SCN4B: variants seen among roughly 807,000 people sequenced by gnomAD.
SCN4B encodes sodium voltage-gated channel beta subunit 4.
SCN4B carries 20 observed loss-of-function variants against 19.6 expected under a neutral mutation model. The observed-to-expected ratio is 1.02, with a 90% CI of 0.72 to 1.48. SCN4B has a LOEUF of 1.48. SCN4B is among the 40% of genes most tolerant of loss of function. SCN4B has a pLI of 0.00. For missense variants in SCN4B, 271 were observed against 287.5 expected, an observed-to-expected ratio of 0.94 and a Z score of 0.42; for synonymous variants, 127 against 122.8, an observed-to-expected ratio of 1.03 and a Z score of -0.22.
Position 118,152,756 on chromosome 11 carries a change from C to T in SCN4B, c.-83G>A. 1.7e-6 allele frequency: 2 copies of T among 1,157,648 alleles called. No homozygotes were observed. Among genetic ancestry groups the T allele is most frequent in the East Asian group, 2.8e-5 (1 of 35,100 alleles). 71.7% of individuals were successfully genotyped at this position (1,157,648 alleles called of 1,614,324 possible). On this transcript the variant is annotated 5_prime_UTR_variant, in exon 1 of 5. Transcript: ENST00000324727. Reference sequence around the variant, plus strand: ...GCGCTCTCCGCCCGAGGTCGGCGTTCGGCCACAAAGCTACCCCGGAGCTCT... The same window carrying T: ...GCGCTCTCCGCCCGAGGTCGGCGTTTGGCCACAAAGCTACCCCGGAGCTCT...
In SCN4B at chr11:118,148,022, C is replaced by T. The variant is rs1357491087; in HGVS notation, c.62-2793G>A. 6.6e-6 allele frequency among the ~76,000 whole-genome samples: 1 copy of T among 152,216 alleles called. No homozygotes were observed. Among genetic ancestry groups the T allele is most frequent in the African/African-American group, 2.4e-5 (1 of 41,456 alleles). ...TCCAGAAGAGAGGGGAACACTGTAT[C>T]TTTAAGGTCTGGCTCATGACACAGT... On this transcript the variant is annotated intron_variant, in intron 1 of 4. Coordinates refer to ENST00000324727, the MANE Select transcript of SCN4B (RefSeq NM_174934.4). The surrounding 1 kb of genome is among the most constrained non-coding windows in gnomAD (Gnocchi z 4.0).
chr11:118,144,691 C>A (rs1948145726), intron 2 of SCN4B, among the ~76,000 whole-genome samples: 1 of 152,172 alleles, frequency 6.6e-6, no homozygotes, highest in South Asian at 2.1e-4. Flanking sequence ...CTTCTCAGCC[C>A]TTCCCTCATT....
chr11:118,146,287 C>A (rs60570550), intron 1 of SCN4B, among the ~76,000 whole-genome samples: 4,484 of 152,182 alleles, frequency 0.029, 225 homozygotes, highest in African/African-American at 0.1. Flanking sequence ...TGTAAGGGGG[C>A]CTGGTTCCCC....
Position 118,148,022 on chromosome 11 carries a change from C to A in SCN4B, c.62-2793G>T, listed in dbSNP as rs1357491087. Among the ~76,000 whole-genome samples, 1 of 152,216 alleles carries A rather than the reference C, an allele frequency of 6.6e-6. No homozygotes were observed. Among genetic ancestry groups the A allele is most frequent in the Non-Finnish European group, 1.5e-5 (1 of 68,044 alleles). ...TCCAGAAGAGAGGGGAACACTGTAT[C>A]TTTAAGGTCTGGCTCATGACACAGT... On this transcript the variant is annotated intron_variant, in intron 1 of 4. Coordinates refer to ENST00000324727, the MANE Select transcript of SCN4B (RefSeq NM_174934.4). This position sits in a 1 kb window ranked among gnomAD's most constrained non-coding sequence, Gnocchi z 4.0.
At chr11:118,142,716 C>T (rs1330120458) in intron 3 of SCN4B, 2 of 152,260 alleles carry the variant, frequency 1.3e-5, no homozygotes, top group South Asian at 2.1e-4. Context: ...GATGGAGAGA[C>T]GATCCACCTC....
intron 1 of SCN4B, among the ~76,000 whole-genome samples, chr11:118,150,610 C>G (rs936536064): frequency 4.1e-4 from 63 of 152,196 alleles, no homozygotes; most frequent in African/African-American, 1.4e-3. Context: ...CATCAATTGG[C>G]CATGAGCCCC....
chr11:118,141,191 C>T lies in SCN4B; in HGVS notation c.593+16G>A. On this transcript the variant is annotated intron_variant, in intron 4 of 4. Coordinates refer to ENST00000324727, the MANE Select transcript of SCN4B (RefSeq NM_174934.4). ...GGGCTGCTGGGAGGACAGGAGTGTG[C>T]TCCAGATCAACTCACTTCTTCTCCC... is the stretch of plus-strand genomic sequence containing the variant. The T allele has an allele frequency of 6.2e-7, 1 of 1,612,762 alleles. No individual in the cohort carries two copies. Among genetic ancestry groups the T allele is most frequent in the Non-Finnish European group, 8.5e-7 (1 of 1,179,956 alleles).
chr11:118,144,472 A>G (rs990741173), intron 2 of SCN4B, among the ~76,000 whole-genome samples: 2 of 152,120 alleles, frequency 1.3e-5, no homozygotes, highest in Admixed American at 1.3e-4. Flanking sequence ...TCAATCCCAC[A>G]GCTCTGCCCG....
rs747204590 is a variant in SCN4B at position 118,133,600 on chromosome 11, T to C, written c.*3427A>G. On this transcript the variant is annotated 3_prime_UTR_variant, in exon 5 of 5. Transcript: ENST00000324727. ...TATAGTTACATAGGAAAATTGACTA[T>C]GGGTATTGTTGTCATCCAAGCCAGA... 2.2e-6 allele frequency: 1 copy of C among 454,536 alleles called. No individual in the cohort carries two copies. The highest frequency in any genetic ancestry group is 1.6e-5 in the South Asian group (1 of 64,472). 28.2% of individuals were successfully genotyped at this position (454,536 alleles called of 1,614,324 possible).
rs746424733 is a variant in SCN4B, at chr11:118,134,188, G to A, written c.*2839C>T. ...TTCGGGCTGCCTTCTGTTCAATTACGACATGGGGAGAAGCCCAGAACCTGG... is the reference window on the plus strand; with the variant it reads ...TTCGGGCTGCCTTCTGTTCAATTACAACATGGGGAGAAGCCCAGAACCTGG... On this transcript the variant is annotated 3_prime_UTR_variant, in exon 5 of 5. Coordinates refer to ENST00000324727, the MANE Select transcript of SCN4B (RefSeq NM_174934.4). The A allele has an allele frequency of 1.1e-5, 5 of 454,030 alleles. No individual in the cohort carries two copies. Among genetic ancestry groups the A allele is most frequent in the Middle Eastern group, 6.8e-4 (1 of 1,466 alleles). 28.1% of individuals were successfully genotyped at this position (454,030 alleles called of 1,614,324 possible).
intron 2 of SCN4B, 31 bp from the exon 3 acceptor site, chr11:118,144,092 G>A (rs1202275069): frequency 1.2e-5 from 18 of 1,486,708 alleles, no homozygotes; most frequent in Non-Finnish European, 1.7e-5. Flanking sequence ...GGGTGAGAAA[G>A]TAGCCGAGAA....
intron 3 of SCN4B, among the ~76,000 whole-genome samples, chr11:118,142,161 T>C (rs1382230809): frequency 5.3e-5 from 8 of 152,256 alleles, no homozygotes; most frequent in Non-Finnish European, 1.5e-5. Context: ...ATTCTTGGCA[T>C]AGGGGCCTGA....
At position 118,152,656 on chromosome 11, in the gene SCN4B, G is replaced by T. The variant is rs149979176; in HGVS notation, c.18C>A (p.Asp6Glu). The T allele has an allele frequency of 2.4e-4, 380 of 1,610,994 alleles. No homozygotes were observed. Among genetic ancestry groups the T allele is most frequent in the Non-Finnish European group, 3.1e-4 (368 of 1,178,358 alleles). Residue 6 changes from aspartate to glutamate, a missense_variant, in exon 1 of 5, where the codon GAC becomes GAA. By Grantham distance (45) the Asp-to-Glu change is conservative (BLOSUM62 2). Coordinates refer to ENST00000324727, the MANE Select transcript of SCN4B (RefSeq NM_174934.4). ...GCCATCTCGCCGGGGCTTTGCCTCCGTCCCCAGCCCCGGGCATAGTCCTGT... is the reference window on the plus strand; with the variant it reads ...GCCATCTCGCCGGGGCTTTGCCTCCTTCCCCAGCCCCGGGCATAGTCCTGT... MPGAG[D>E]GGKAPARWLG...
At chr11:118,146,269 G>A (rs966978059) in intron 1 of SCN4B, among the ~76,000 whole-genome samples, 5 of 152,090 alleles carry the variant, frequency 3.3e-5, no homozygotes, top group Non-Finnish European at 4.4e-5. Context: ...CTCCCGCTCC[G>A]GAGTCCTTGT....
At chr11:118,147,583 G>T (rs1017733224) in intron 1 of SCN4B, among the ~76,000 whole-genome samples, 2 of 151,962 alleles carry the variant, frequency 1.3e-5, no homozygotes, top group Non-Finnish European at 2.9e-5. Context: ...GCCCTCCTCC[G>T]CCCCATCTCC....
chr11:118,152,207 C>A (rs1948240121), intron 1 of SCN4B, among the ~76,000 whole-genome samples: 2 of 152,212 alleles, frequency 1.3e-5, no homozygotes, highest in Non-Finnish European at 2.9e-5. Flanking sequence ...CGGCTCTGGG[C>A]CGGGATGGAA....
At chr11:118,139,098 C>T (rs528997437) in intron 4 of SCN4B, among the ~76,000 whole-genome samples, 4 of 152,258 alleles carry the variant, frequency 2.6e-5, no homozygotes, top group South Asian at 2.1e-4. Flanking sequence ...CCCCTGCCGT[C>T]GGAAGTCAAT....
In SCN4B at chr11:118,148,104, C is replaced by T. The variant is rs549733525; in HGVS notation, c.62-2875G>A. Among the ~76,000 whole-genome samples, 1 of 152,290 alleles carries T rather than the reference C, an allele frequency of 6.6e-6. No homozygotes were observed. Among genetic ancestry groups the T allele is most frequent in the East Asian group, 1.9e-4 (1 of 5,194 alleles). On this transcript the variant is annotated intron_variant, in intron 1 of 4. Coordinates refer to ENST00000324727, the MANE Select transcript of SCN4B (RefSeq NM_174934.4). This position sits in a 1 kb window ranked among gnomAD's most constrained non-coding sequence, Gnocchi z 4.0. ...GTGGATGACTTAAGTCCAATACACT[C>T]AGGACTCTGCAAGTGAAGCATTGCC...
rs371070896 is a variant in SCN4B, at chr11:118,144,342, C to A, written c.235-281G>T. Among the ~76,000 whole-genome samples the A allele has an allele frequency of 2.0e-5, 3 of 152,320 alleles. No homozygotes were observed. The East Asian group carries it at 5.8e-4, about 29-fold the overall frequency. ...GCTCTTACTGCTCTCTTCATAAAAG[C>A]CTTTTACCTAATGACTCCTGCAAGC... is the stretch of plus-strand genomic sequence containing the variant. On this transcript the variant is annotated intron_variant, in intron 2 of 4. Coordinates refer to ENST00000324727, the MANE Select transcript of SCN4B (RefSeq NM_174934.4).
Sources: gnomAD v4.1 joint callset for allele counts (sites outside exome capture counted in the v4.1 genomes callset) on GRCh38, gnomAD v4.1.1 for gene constraint, Gnocchi (gnomAD v3.1) non-coding constraint, MANE v1.5 for transcripts, NCBI Gene and HGNC (gene_info 2026-07-23, HGNC 2026-07-21) for gene names.